The following ANTXR1 variants were observed in gnomAD, a reference collection of about 807,000 sequenced individuals.
ANTXR1 encodes the protein anthrax toxin receptor 1.
Under a neutral mutation model 78.1 loss-of-function variants are expected in ANTXR1, and 19 were observed. That is an observed-to-expected ratio of 0.24 (90% CI 0.17 to 0.36). The LOEUF (loss-of-function observed/expected upper bound fraction) is 0.36, where lower values mean the gene tolerates loss of function less well. Ranked by LOEUF, ANTXR1 falls within the 10% of genes least tolerant of loss-of-function variation. The pLI, the probability that ANTXR1 is intolerant of heterozygous loss-of-function variation, is 1.00. For missense variants in ANTXR1, 518 were observed against 718.6 expected, an observed-to-expected ratio of 0.72 and a Z score of 3.19; for synonymous variants, 273 against 260.5, an observed-to-expected ratio of 1.05 and a Z score of -0.46.
intron 1 of ANTXR1, among the ~76,000 whole-genome samples, chr2:69,036,701 A>G (rs369730978): frequency 2.0e-5 from 3 of 152,320 alleles, no homozygotes; most frequent in Middle Eastern, 3.4e-3. Flanking sequence ...GTGGCCACTA[A>G]TGGCCAGTCT....
intron 10 of ANTXR1, among the ~76,000 whole-genome samples, chr2:69,108,704 G>A (rs1232923627): frequency 6.6e-6 from 1 of 152,170 alleles, no homozygotes; most frequent in East Asian, 1.9e-4. Context: ...ACTTACAAGT[G>A]AGAGCATGCA....
At chr2:69,081,369 C>T (rs1316294110) in intron 8 of ANTXR1, among the ~76,000 whole-genome samples, 1 of 152,250 alleles carries the variant, frequency 6.6e-6, no homozygotes, top group Non-Finnish European at 1.5e-5. Flanking sequence ...TCCCCAGATG[C>T]TCTGCTTCCT....
intron 3 of ANTXR1, among the ~76,000 whole-genome samples, chr2:69,045,227 A>G (rs1182788693): frequency 1.3e-5 from 2 of 152,210 alleles, no homozygotes; most frequent in Non-Finnish European, 2.9e-5. Context: ...TTTACTGTTC[A>G]TAATTACCCA....
chr2:69,044,014 A>T (rs1356950300), intron 2 of ANTXR1, among the ~76,000 whole-genome samples: 3 of 152,236 alleles, frequency 2.0e-5, no homozygotes, highest in Non-Finnish European at 4.4e-5. Flanking sequence ...AATCCACTGC[A>T]GTCTGATGGT....
At chr2:69,091,690 C>T (rs1255635451) in intron 9 of ANTXR1, among the ~76,000 whole-genome samples, 2 of 152,134 alleles carry the variant, frequency 1.3e-5, no homozygotes, top group African/African-American at 2.4e-5. Context: ...CCTTTTCACA[C>T]AGTTAATATA....
chr2:69,168,372 G>A (rs1047123718), intron 13 of ANTXR1, among the ~76,000 whole-genome samples: 8 of 152,224 alleles, frequency 5.3e-5, no homozygotes, highest in African/African-American at 1.9e-4. Context: ...GAGGACAGTG[G>A]AGATCAGACA....
chr2:69,029,465 C>G (rs1201913875), intron 1 of ANTXR1, among the ~76,000 whole-genome samples: 1 of 151,390 alleles, frequency 6.6e-6, no homozygotes, highest in Admixed American at 6.6e-5. Flanking sequence ...AGGTAAAATA[C>G]TCAGCCTAAT....
chr2:69,245,665 T>C lies in ANTXR1; in HGVS notation c.*180T>C, dbSNP rs1676006414. 3 of 876,750 alleles carry C rather than the reference T, an allele frequency of 3.4e-6. No individual in the cohort carries two copies. The highest frequency in any genetic ancestry group is 5.2e-6 in the Non-Finnish European group (3 of 576,588). 54.3% of individuals were successfully genotyped at this position (876,750 alleles called of 1,614,324 possible). ...GCTGAAAGAAACAGATATTTTAAAT[T>C]GCCAGAAAACAAATGATGAGGCAAC... On this transcript the variant is annotated 3_prime_UTR_variant, in exon 18 of 18. Transcript: ENST00000303714.
rs11684554 is a variant in ANTXR1 at position 69,211,731 on chromosome 2, A to T, written c.1434+18316A>T. Among the ~76,000 whole-genome samples the T allele has an allele frequency of 1.4e-4, 22 of 152,200 alleles. No homozygotes were observed. In the South Asian group the frequency reaches 4.6e-3, roughly 32 times the overall value. ...TCATAGAGCATCACTTGGGACTAACAGTCTGTGAAAGGCACTTTGGGAAAT... is the reference window on the plus strand; with the variant it reads ...TCATAGAGCATCACTTGGGACTAACTGTCTGTGAAAGGCACTTTGGGAAAT... On this transcript the variant is annotated intron_variant, in intron 17 of 17. Coordinates refer to ENST00000303714, the MANE Select transcript of ANTXR1 (RefSeq NM_032208.3).
At chr2:69,197,733 A>T (rs186474218) in intron 17 of ANTXR1, among the ~76,000 whole-genome samples, 1 of 152,346 alleles carries the variant, frequency 6.6e-6, no homozygotes, top group East Asian at 1.9e-4. Flanking sequence ...ATGGTCCAGG[A>T]TGGTCCCCAA....
At chr2:69,135,423 C>T (rs1257465774) in intron 12 of ANTXR1, among the ~76,000 whole-genome samples, 2 of 152,024 alleles carry the variant, frequency 1.3e-5, no homozygotes, top group African/African-American at 4.8e-5. Context: ...ATGGACCAAA[C>T]TCAGCAGTTT....
chr2:69,025,458 C>G (rs1029567273), intron 1 of ANTXR1, among the ~76,000 whole-genome samples: 5 of 152,076 alleles, frequency 3.3e-5, no homozygotes, highest in African/African-American at 9.7e-5. Flanking sequence ...TGATATGCAG[C>G]CCTAATTAAT....
chr2:69,245,119 C>A, intron 17 of ANTXR1, 106 bp from the exon 18 acceptor site: 1 of 1,343,304 alleles, frequency 7.4e-7, no homozygotes, highest in Non-Finnish European at 1.1e-6. Context: ...TTGTCACCAA[C>A]AGGGGCCAGC....
At chr2:69,233,173 TTA>T (rs1675666188) in intron 17 of ANTXR1, among the ~76,000 whole-genome samples, 1 of 152,144 alleles carries the variant, frequency 6.6e-6, no homozygotes, top group Non-Finnish European at 1.5e-5. Flanking sequence ...TTTGAGAGAA[TTA>T]TCTCATGCTT....
intron 16 of ANTXR1, among the ~76,000 whole-genome samples, chr2:69,190,734 T>C (rs554403048): frequency 6.6e-6 from 1 of 152,298 alleles, no homozygotes; most frequent in East Asian, 1.9e-4. Flanking sequence ...AACACTACAC[T>C]GTAGGGTGAT....
intron 9 of ANTXR1, among the ~76,000 whole-genome samples, chr2:69,095,052 TG>T (rs1255584430): frequency 6.6e-6 from 1 of 152,216 alleles, no homozygotes; most frequent in Non-Finnish European, 1.5e-5. Context: ...TCCTATTCCA[TG>T]TTCAGACCAT....
chr2:69,084,848 CTTTTTTTTTTT>C (rs10708894), intron 8 of ANTXR1, among the ~76,000 whole-genome samples: 1 of 94,058 alleles, frequency 1.1e-5, no homozygotes, highest in African/African-American at 4.2e-5. Context: ...GAAAAGGCAA[CTTTTTTTTTTT>C]TTTTTTTTTT....
At chr2:69,193,307 T>C in intron 16 of ANTXR1, 28 bp from the exon 17 acceptor site, 1 of 1,610,940 alleles carries the variant, frequency 6.2e-7, no homozygotes, top group South Asian at 1.1e-5. Flanking sequence ...GTTTCATATG[T>C]AATCTTGGTG....
At chr2:69,182,692 A>G (rs1037662392) in intron 16 of ANTXR1, 32 bp downstream of exon 16, 2 of 1,613,850 alleles carry the variant, frequency 1.2e-6, no homozygotes, top group African/African-American at 1.3e-5. Flanking sequence ...ATCTATCATC[A>G]GTCCTGATAA....
Sources: gnomAD v4.1 joint callset for allele counts (sites outside exome capture counted in the v4.1 genomes callset) on GRCh38, gnomAD v4.1.1 for gene constraint, MANE v1.5 for transcripts, NCBI Gene and HGNC (gene_info 2026-07-23, HGNC 2026-07-21) for gene names.